Variants in LYN observed in about 807,000 individuals in gnomAD.
LYN encodes the protein LYN proto-oncogene, Src family tyrosine kinase, also known as tyrosine-protein kinase Lyn.
In LYN, 12 loss-of-function variants were observed where a neutral mutation model predicts 65.0. The ratio of observed to expected loss-of-function variants is 0.18; its 90% CI spans 0.12 to 0.30. The LOEUF is 0.30. Ranked by LOEUF, LYN falls within the 10% of genes least tolerant of loss-of-function variation. The probability of loss-of-function intolerance (pLI) is 1.00; values close to 1 mark genes in which losing one functional copy is unlikely to be tolerated. For missense variants in LYN, 380 were observed against 623.2 expected (o/e 0.61, Z 4.16); for synonymous variants, 222 against 221.2 (o/e 1.00, Z -0.03).
intron 1 of LYN, chr8:55,893,636 A>G (rs1298115694): frequency 6.6e-6 from 1 of 152,216 alleles, no homozygotes; most frequent in Non-Finnish European, 1.5e-5. Context: ...TTCAGAAAAC[A>G]CTTCTTGGAT....
At chr8:56,002,651 A>T (rs1454456021) in intron 12 of LYN, among the ~76,000 whole-genome samples, 3 of 151,618 alleles carry the variant, frequency 2.0e-5, no homozygotes, top group African/African-American at 7.3e-5. Flanking sequence ...AATTAAATTA[A>T]AAAATAAAAA....
intron 12 of LYN, among the ~76,000 whole-genome samples, 189 bp downstream of exon 12, chr8:55,999,738 G>A (rs61391341): frequency 0.01 from 1,551 of 152,312 alleles, 28 homozygotes; most frequent in African/African-American, 0.036. Context: ...TTGGGAGGCC[G>A]AGGCAGGTGG....
At chr8:55,910,110 TGTTGA>T (rs368988380) in intron 1 of LYN, among the ~76,000 whole-genome samples, 1 of 152,032 alleles carries the variant, frequency 6.6e-6, no homozygotes, top group African/African-American at 2.4e-5. Context: ...GGTTCATTCC[TGTTGA>T]GTATTTCTTT....
At chr8:55,930,900 G>T (rs541131150) in intron 1 of LYN, among the ~76,000 whole-genome samples, 3 of 152,038 alleles carry the variant, frequency 2.0e-5, no homozygotes, top group Admixed American at 6.5e-5. Flanking sequence ...AATCCTCCCA[G>T]CTTGGCCTCC....
intron 1 of LYN, among the ~76,000 whole-genome samples, chr8:55,906,725 G>GA (rs11417225): frequency 0.055 from 7,649 of 138,132 alleles, 586 homozygotes; most frequent in African/African-American, 0.18. Flanking sequence ...AAAAGAAAAA[G>GA]AAAAAAAAAA....
chr8:56,005,849 C>T (rs1463762394), intron 12 of LYN, among the ~76,000 whole-genome samples: 3 of 152,072 alleles, frequency 2.0e-5, no homozygotes, highest in African/African-American at 7.2e-5. Flanking sequence ...TTTGGGAGGC[C>T]GAGGCAGGTG....
chr8:55,932,945 G>A (rs1806312248), intron 1 of LYN, among the ~76,000 whole-genome samples: 1 of 152,148 alleles, frequency 6.6e-6, no homozygotes, highest in Non-Finnish European at 1.5e-5. Flanking sequence ...AGGAGCAATA[G>A]ACACGGGAGA....
chr8:55,909,308 T>A (rs72651474), intron 1 of LYN, among the ~76,000 whole-genome samples: 2 of 151,824 alleles, frequency 1.3e-5, no homozygotes, highest in Non-Finnish European at 2.9e-5. Flanking sequence ...AGTCCTGGCA[T>A]TGGGGAGAGT....
chr8:55,953,971 G>A lies in LYN; in HGVS notation c.777G>A (p.Gly259=). ...AAAGGCTTGGCGCTGGGCAGTTTGG[G>A]GAAGTCTGGATGGGTAAGTGTGCGG... is the stretch of plus-strand genomic sequence containing the variant. The part of the protein sequence containing the change: ...LVKRLGAGQF[G]EVWMGYYNNS... The change falls in exon 8 of 13, where the codon GGG becomes GGA. Residue 259 remains glycine (G), a synonymous_variant. Transcript: ENST00000519728. The A allele has an allele frequency of 6.2e-7, 1 of 1,613,968 alleles. No homozygotes were observed. Among genetic ancestry groups the A allele is most frequent in the Non-Finnish European group, 8.5e-7 (1 of 1,179,908 alleles).
At chr8:56,009,552 C>T (rs1346201984) in intron 12 of LYN, among the ~76,000 whole-genome samples, 1 of 152,188 alleles carries the variant, frequency 6.6e-6, no homozygotes, top group Non-Finnish European at 1.5e-5. Flanking sequence ...TGGCTGCCTC[C>T]TCCCTGTGTC....
chr8:55,983,163 G>A (rs576199978), intron 10 of LYN, among the ~76,000 whole-genome samples: 3 of 152,094 alleles, frequency 2.0e-5, no homozygotes, highest in Non-Finnish European at 4.4e-5. Context: ...CATGAACCCC[G>A]ACATGTGCCC....
intron 12 of LYN, among the ~76,000 whole-genome samples, chr8:56,006,041 C>T (rs1392096074): frequency 6.6e-5 from 10 of 151,976 alleles, no homozygotes; most frequent in South Asian, 2.1e-4. Flanking sequence ...GCCATGATTG[C>T]GCCATGTACT....
chr8:55,930,869 CCCAAACTCTTAGGCT>C (rs1806247875), intron 1 of LYN, among the ~76,000 whole-genome samples: 1 of 151,930 alleles, frequency 6.6e-6, no homozygotes, highest in Non-Finnish European at 1.5e-5. Flanking sequence ...ACACTGAAGC[CCCAAACTCTTAGGCT>C]CCAGTAATCC....
At chr8:55,994,637 G>C (rs1351214720) in intron 10 of LYN, among the ~76,000 whole-genome samples, 2 of 152,180 alleles carry the variant, frequency 1.3e-5, no homozygotes, top group Non-Finnish European at 2.9e-5. Context: ...CGTTGGGAGA[G>C]GGGCAGCACA....
intron 1 of LYN, among the ~76,000 whole-genome samples, chr8:55,896,841 C>T (rs951421443): frequency 6.6e-6 from 1 of 152,118 alleles, no homozygotes; most frequent in African/African-American, 2.4e-5. Context: ...CGGGTTCAAG[C>T]AATTCTCCCT....
rs560463004 is a variant in LYN at position 55,982,150 on chromosome 8, C to T, written c.1050+12357C>T. 4.9e-4 allele frequency among the ~76,000 whole-genome samples: 75 copies of T among 152,206 alleles called. 1 individual carries two copies. The highest frequency in any genetic ancestry group is 1.8e-3 in the African/African-American group (73 of 41,512). ...AGGATTTCCAGCTCTTGTTCATTTT[C>T]CACCCAGCGCCCCCAGTGTCTGTAA... On this transcript the variant is annotated intron_variant, in intron 10 of 12. Coordinates refer to ENST00000519728, the MANE Select transcript of LYN (RefSeq NM_002350.4).
chr8:55,951,879 G>A (rs1310087636), intron 6 of LYN, 87 bp from the exon 7 acceptor site: 2 of 1,018,780 alleles, frequency 2.0e-6, no homozygotes, highest in East Asian at 2.6e-5. Flanking sequence ...TTGCATATTT[G>A]TATCACAAAA....
At chr8:55,941,415 A>G (rs915661584) in intron 1 of LYN, among the ~76,000 whole-genome samples, 1 of 152,158 alleles carries the variant, frequency 6.6e-6, no homozygotes, top group African/African-American at 2.4e-5. Context: ...GTGGTTGCAT[A>G]TGAAGTTTCT....
chr8:55,926,033 T>A (rs905202302), intron 1 of LYN, among the ~76,000 whole-genome samples: 5 of 152,262 alleles, frequency 3.3e-5, no homozygotes, highest in Admixed American at 1.3e-4. Context: ...AAGCATTTTT[T>A]ATTTAATTAC....
Sources: allele counts gnomAD v4.1 joint callset (sites outside exome capture counted in the v4.1 genomes callset), GRCh38; gene constraint gnomAD v4.1.1; transcripts MANE v1.5; gene names NCBI Gene and HGNC (gene_info 2026-07-23, HGNC 2026-07-21).